Variants in CRY2 observed in about 807,000 individuals in gnomAD.
CRY2 encodes cryptochrome-2.
CRY2 carries 31 observed loss-of-function variants against 69.5 expected under a neutral mutation model. That is an observed-to-expected ratio of 0.45 (90% CI 0.34 to 0.60). CRY2 has a LOEUF of 0.60. Among genes scored for constraint, CRY2 ranks in the 20% least tolerant of loss-of-function variants. The pLI is 0.02. For synonymous variants in CRY2, 303 were observed against 312.2 expected (o/e 0.97, Z 0.31); for missense variants, 606 against 797.8 (o/e 0.76, Z 2.90).
Position 45,869,742 on chromosome 11 carries a change from C to T in CRY2, c.1119C>T (p.His373=), listed in dbSNP as rs779881306. Residue 373 remains histidine, a synonymous_variant, in exon 7 of 12, where the codon CAC becomes CAT. Transcript: ENST00000616080. ...MTQLRQEGWI[H]HLARHAVACF... ...AACTGAGGCAGGAGGGCTGGATCCA[C>T]CACCTGGCCCGGCATGCCGTGGCCT... is the stretch of plus-strand genomic sequence containing the variant. The T allele has an allele frequency of 4.3e-6, 7 of 1,613,938 alleles. No homozygotes were observed. In the South Asian group the frequency reaches 6.6e-5, roughly 15 times the overall value.
At chr11:45,875,223 G>C (rs1234882045) in intron 11 of CRY2, among the ~76,000 whole-genome samples, 3 of 152,222 alleles carry the variant, frequency 2.0e-5, no homozygotes, top group African/African-American at 7.2e-5. Context: ...ACTTACTCAA[G>C]TGTGTGGGTC....
chr11:45,872,273 T>G (rs375276078), intron 11 of CRY2, 40 bp downstream of exon 11: 2 of 1,595,184 alleles, frequency 1.3e-6, no homozygotes, highest in African/African-American at 2.7e-5. Flanking sequence ...AGGAAGGAAG[T>G]TGGGAGTGGG....
chr11:45,869,814 C>G lies in CRY2; in HGVS notation c.1191C>G (p.Val397=), dbSNP rs1349836122. ...TCTGGGTCAGCTGGGAGAGCGGGGT[C>G]CGGGTGAGTGCTCTCTCAACGAAAA... ...GDLWVSWESG[V]RVFDELLLDA... Residue 397 remains valine (V), a synonymous_variant, in exon 7 of 12, where the codon GTC becomes GTG. Coordinates refer to ENST00000616080, the MANE Select transcript of CRY2 (RefSeq NM_021117.5). 8.1e-6 allele frequency: 13 copies of G among 1,603,918 alleles called. No individual in the cohort carries two copies. The highest frequency in any genetic ancestry group is 1.1e-5 in the Non-Finnish European group (13 of 1,173,268).
intron 11 of CRY2, among the ~76,000 whole-genome samples, chr11:45,877,415 G>A (rs962408466): frequency 2.0e-5 from 3 of 152,208 alleles, no homozygotes; most frequent in Non-Finnish European, 2.9e-5. Context: ...GCCTGCACAC[G>A]TGCATCCACC....
intron 10 of CRY2, 37 bp from the exon 11 acceptor site, chr11:45,872,055 C>G: frequency 1.2e-6 from 2 of 1,610,118 alleles, no homozygotes; most frequent in Non-Finnish European, 1.7e-6. Context: ...TGGCTGCATG[C>G]ACAGTCTGTG....
At chr11:45,876,193 G>A (rs929638890) in intron 11 of CRY2, among the ~76,000 whole-genome samples, 1 of 152,168 alleles carries the variant, frequency 6.6e-6, no homozygotes, top group East Asian at 1.9e-4. Context: ...CAGCCTGAAG[G>A]CTACATCCTG....
intron 4 of CRY2, 62 bp downstream of exon 4, chr11:45,861,094 T>C: frequency 8.6e-6 from 13 of 1,512,456 alleles, no homozygotes; most frequent in Non-Finnish European, 1.2e-5. Flanking sequence ...AGAAATTCTT[T>C]GTGAAAGTAA....
intron 11 of CRY2, among the ~76,000 whole-genome samples, chr11:45,872,867 C>T (rs1045206328): frequency 7.2e-5 from 11 of 152,164 alleles, no homozygotes; most frequent in African/African-American, 1.7e-4. Flanking sequence ...CCCTGCTTTC[C>T]GACAGGCTGT....
rs1018804594 is a variant in CRY2, at chr11:45,879,979, G to A, written c.*3-935G>A. Among the ~76,000 whole-genome samples, 4 of 152,140 alleles carry A rather than the reference G, an allele frequency of 2.6e-5. No homozygotes were observed. In the East Asian group the frequency reaches 7.7e-4, roughly 29 times the overall value. On this transcript the variant is annotated intron_variant, in intron 11 of 11. Coordinates refer to ENST00000616080, the MANE Select transcript of CRY2 (RefSeq NM_021117.5). Reference sequence around the variant, plus strand: ...TAAGGACACCAGTCATATTGGATTAGGGCCCACACTAATGACCTCATTTAA... The same window carrying A: ...TAAGGACACCAGTCATATTGGATTAAGGCCCACACTAATGACCTCATTTAA...
intron 2 of CRY2, among the ~76,000 whole-genome samples, chr11:45,857,759 A>G (rs1231721309): frequency 2.6e-5 from 4 of 152,252 alleles, no homozygotes; most frequent in Non-Finnish European, 5.9e-5. Context: ...ACAGGTTACA[A>G]TGAGTATTCA....
chr11:45,854,370 G>A (rs80033297), intron 1 of CRY2, among the ~76,000 whole-genome samples: 1 of 152,284 alleles, frequency 6.6e-6, no homozygotes, highest in East Asian at 1.9e-4. Context: ...CAGAGTTGGT[G>A]TGCAACTAGA....
chr11:45,847,436 G>A, upstream of CRY2: 1 of 1,592,976 alleles, frequency 6.3e-7, no homozygotes. Flanking sequence ...CTATGGGCGG[G>A]GTCCACGTCG....
intron 6 of CRY2, among the ~76,000 whole-genome samples, chr11:45,868,876 T>C (rs1186390208): frequency 6.6e-6 from 1 of 152,190 alleles, no homozygotes; most frequent in Non-Finnish European, 1.5e-5. Flanking sequence ...GCTCAGGCCA[T>C]CCACCCACCT....
At chr11:45,877,781 C>G (rs942393100) in intron 11 of CRY2, among the ~76,000 whole-genome samples, 1 of 152,144 alleles carries the variant, frequency 6.6e-6, no homozygotes, top group Non-Finnish European at 1.5e-5. Flanking sequence ...TTTCTACAGA[C>G]GCATGCCCTA....
chr11:45,872,826 C>T (rs778468522), intron 11 of CRY2, among the ~76,000 whole-genome samples: 5 of 152,096 alleles, frequency 3.3e-5, no homozygotes, highest in African/African-American at 1.2e-4. Flanking sequence ...GGGGAAAAGG[C>T]GCATTGCAGG....
At chr11:45,861,722 G>A (rs567306468) in intron 4 of CRY2, 15 of 267,836 alleles carry the variant, frequency 5.6e-5, no homozygotes, top group East Asian at 1.3e-4. Flanking sequence ...GATTACAGAC[G>A]TGAGCCACAC....
upstream of CRY2, chr11:45,847,268 C>A (rs768903565): frequency 1.9e-6 from 3 of 1,551,666 alleles, no homozygotes; most frequent in East Asian, 4.9e-5. Context: ...TCCACCCGGG[C>A]GGACCCACAC....
chr11:45,875,424 G>A (rs1169620125), intron 11 of CRY2, among the ~76,000 whole-genome samples: 1 of 152,206 alleles, frequency 6.6e-6, no homozygotes, highest in Non-Finnish European at 1.5e-5. Flanking sequence ...GATGAATTAG[G>A]CATTGGGCTG....
chr11:45,866,501 G>T (rs1221345249), intron 5 of CRY2, among the ~76,000 whole-genome samples: 3 of 152,202 alleles, frequency 2.0e-5, no homozygotes, highest in Non-Finnish European at 4.4e-5. Context: ...CAGTTGGCAG[G>T]TATAGCGCTG....
Sources: allele counts gnomAD v4.1 joint callset (sites outside exome capture counted in the v4.1 genomes callset), GRCh38; gene constraint gnomAD v4.1.1; transcripts MANE v1.5; gene names NCBI Gene and HGNC (gene_info 2026-07-23, HGNC 2026-07-21).